BCAR3: variants seen among roughly 807,000 people sequenced by gnomAD.
BCAR3 encodes BCAR3 adaptor protein, NSP family member.
Under a neutral mutation model 80.1 loss-of-function variants are expected in BCAR3, and 37 were observed. The ratio of observed to expected loss-of-function variants is 0.46; its 90% confidence interval spans 0.36 to 0.61. The LOEUF is 0.61. Ranked by LOEUF, BCAR3 falls within the 20% of genes least tolerant of loss-of-function variation. The probability of loss-of-function intolerance (pLI) is 0.00; values close to 1 mark genes in which losing one functional copy is unlikely to be tolerated. For synonymous variants in BCAR3, 389 were observed against 418.9 expected, an observed-to-expected ratio of 0.93 and a Z score of 0.87; for missense variants, 978 against 1,068.2, an observed-to-expected ratio of 0.92 and a Z score of 1.18.
chr1:93,643,325 G>A (rs1676048650), intron 2 of BCAR3, among the ~76,000 whole-genome samples: 2 of 151,282 alleles, frequency 1.3e-5, no homozygotes, highest in African/African-American at 4.9e-5. Flanking sequence ...AGGAGTTGGA[G>A]ACAAGCATGA....
chr1:93,777,426 TTCC>T (rs761934528), intron 2 of BCAR3, among the ~76,000 whole-genome samples: 84 of 121,244 alleles, frequency 6.9e-4, no homozygotes, highest in African/African-American at 1.6e-3. Context: ...CCTCCTCCTC[TTCC>T]TCCTCCTCCT....
intron 3 of BCAR3, among the ~76,000 whole-genome samples, chr1:93,634,720 CA>C (rs71588503): frequency 0.075 from 9,780 of 129,558 alleles, 931 homozygotes; most frequent in African/African-American, 0.25. Flanking sequence ...ACAACAACAA[CA>C]AAAAAAAAAC....
intron 3 of BCAR3, among the ~76,000 whole-genome samples, chr1:93,633,927 G>A (rs1675700175): frequency 6.6e-6 from 1 of 152,180 alleles, no homozygotes; most frequent in African/African-American, 2.4e-5. Context: ...ACCCAGCCTA[G>A]CTTGCTTTTT....
At chr1:93,660,737 C>G (rs984379557) in intron 2 of BCAR3, among the ~76,000 whole-genome samples, 1 of 152,230 alleles carries the variant, frequency 6.6e-6, no homozygotes, top group African/African-American at 2.4e-5. Flanking sequence ...TTGTTTGATA[C>G]AGAGTCTCGC....
chr1:93,803,155 T>G (rs1244156462), intron 2 of BCAR3, among the ~76,000 whole-genome samples: 1 of 152,146 alleles, frequency 6.6e-6, no homozygotes, highest in Non-Finnish European at 1.5e-5. Context: ...TTACATGCCA[T>G]GAGGGATCTC....
Position 93,567,341 on chromosome 1 carries a change from G to A in BCAR3, c.2237C>T (p.Thr746Ile), listed in dbSNP as rs1672994830. ...TGCAGCCTCGGCCATGAATCGCGCT[G>A]TTGCCAAATGGTTCAGCATGATTTC... ...SCEIMLNHLA[T>I]ARFMAEAADS... The change falls in exon 11 of 12, where the codon ACA (threonine) becomes ATA (isoleucine). Residue 746 changes from threonine to isoleucine, a missense_variant. Coordinates refer to ENST00000260502, the MANE Select transcript of BCAR3 (RefSeq NM_003567.4). The A allele has an allele frequency of 6.2e-7, 1 of 1,614,168 alleles. No homozygotes were observed. The highest frequency in any genetic ancestry group is 1.7e-4 in the Middle Eastern group (1 of 6,060).
intron 2 of BCAR3, among the ~76,000 whole-genome samples, chr1:93,824,384 G>T (rs12143772): frequency 0.19 from 25,133 of 132,752 alleles, 6,668 homozygotes; most frequent in East Asian, 0.4. Flanking sequence ...ACAGGTCAGG[G>T]GCCAGGAGCA....
chr1:93,571,549 A>C (rs780361623), intron 9 of BCAR3, 121 bp downstream of exon 9: 1 of 1,300,880 alleles, frequency 7.7e-7, no homozygotes, highest in South Asian at 1.2e-5. Flanking sequence ...CCCTAAATGA[A>C]GCAGCTTTCA....
intron 2 of BCAR3, among the ~76,000 whole-genome samples, chr1:93,774,706 G>C (rs557083506): frequency 1.9e-3 from 285 of 152,298 alleles, no homozygotes; most frequent in Non-Finnish European, 3.2e-3. Context: ...GCTTCACTAA[G>C]CAGTCAATGA....
At chr1:93,744,058 C>T (rs774387332) in intron 2 of BCAR3, among the ~76,000 whole-genome samples, 9 of 152,094 alleles carry the variant, frequency 5.9e-5, no homozygotes, top group Non-Finnish European at 1.3e-4. Flanking sequence ...CAAGAATAGC[C>T]CCCACCACCC....
At chr1:93,798,352 A>G (rs61782398) in intron 2 of BCAR3, among the ~76,000 whole-genome samples, 12,318 of 152,100 alleles carry the variant, frequency 0.081, 571 homozygotes, top group African/African-American at 0.1. Flanking sequence ...GCTAATTTTT[A>G]TTTTTATTTT....
At chr1:93,580,919 G>C (rs962434108) in intron 7 of BCAR3, among the ~76,000 whole-genome samples, 1 of 152,188 alleles carries the variant, frequency 6.6e-6, no homozygotes, top group East Asian at 1.9e-4. Flanking sequence ...CCAGCACTTT[G>C]AGAGGCCAAG....
intron 2 of BCAR3, among the ~76,000 whole-genome samples, chr1:93,750,550 C>A (rs542369273): frequency 6.6e-6 from 1 of 152,364 alleles, no homozygotes; most frequent in African/African-American, 2.4e-5. Flanking sequence ...CTTAGAGACT[C>A]ACTTACAACC....
intron 2 of BCAR3, among the ~76,000 whole-genome samples, chr1:93,662,021 C>T (rs1237846697): frequency 3.3e-5 from 5 of 152,154 alleles, no homozygotes; most frequent in Non-Finnish European, 4.4e-5. Context: ...TTCCTTTTCA[C>T]GAATACAGAA....
chr1:93,692,604 A>G (rs1449316953), intron 3 of BCAR3, among the ~76,000 whole-genome samples: 2 of 152,228 alleles, frequency 1.3e-5, no homozygotes, highest in East Asian at 3.8e-4. Context: ...CCCTTTTTAT[A>G]GACGAGAAAA....
chr1:93,655,851 T>C (rs1647357374), intron 2 of BCAR3, among the ~76,000 whole-genome samples: 1 of 152,194 alleles, frequency 6.6e-6, no homozygotes, highest in African/African-American at 2.4e-5. Context: ...AGGGATCCCT[T>C]CAGACCAACA....
rs535799439 is a variant in BCAR3, at chr1:93,832,281, G to A, written c.-63+13286C>T. ...AGCACACAAGAACTTCCAAACGCCT[G>A]AACCACAGCAGTCAGGCATTCCTCC... On this transcript the variant is annotated intron_variant, in intron 2 of 13. Coordinates refer to the BCAR3 transcript ENST00000370244. 2.6e-5 allele frequency among the ~76,000 whole-genome samples: 4 copies of A among 152,318 alleles called. No homozygotes were observed. The East Asian group carries it at 7.7e-4, about 29-fold the overall frequency.
At position 93,724,595 on chromosome 1, in the gene BCAR3, C is replaced by T. The variant is rs6697301; in HGVS notation, c.-62-18453G>A. Among the ~76,000 whole-genome samples the T allele has an allele frequency of 7.0e-3, 1,062 of 152,246 alleles. 9 individuals are homozygous for T. The highest frequency in any genetic ancestry group is 0.024 in the African/African-American group (1,002 of 41,540). On this transcript the variant is annotated intron_variant, in intron 2 of 13. Coordinates refer to the BCAR3 transcript ENST00000370244. The stretch of plus-strand genomic sequence containing the variant: ...GTGAGCCTGTGTCTACAGGGATGAC[C>T]GGCTGTCCAGTCTGAGCTACCTGGC...
At chr1:93,726,829 G>A (rs1650601370) in intron 2 of BCAR3, among the ~76,000 whole-genome samples, 1 of 152,090 alleles carries the variant, frequency 6.6e-6, no homozygotes, top group African/African-American at 2.4e-5. Context: ...GCCCACAGGT[G>A]GTGACTACAA....
Sources: gnomAD v4.1 joint callset for allele counts (sites outside exome capture counted in the v4.1 genomes callset) on GRCh38, gnomAD v4.1.1 for gene constraint, MANE v1.5 for transcripts, NCBI Gene and HGNC (gene_info 2026-07-23, HGNC 2026-07-21) for gene names.